Variants in RMC1 observed in about 807,000 individuals in gnomAD.
RMC1 encodes the protein regulator of MON1-CCZ1, also known as regulator of MON1-CCZ1 complex.
RMC1 carries 44 observed loss-of-function variants against 95.5 expected under a neutral mutation model. That is an observed-to-expected ratio of 0.46 (90% confidence interval 0.36 to 0.59). The LOEUF (loss-of-function observed/expected upper bound fraction) is 0.59, where lower values mean the gene tolerates loss of function less well. Ranked by LOEUF, RMC1 falls within the 20% of genes least tolerant of loss-of-function variation. The pLI, the probability that RMC1 is intolerant of heterozygous loss-of-function variation, is 0.00. For missense variants in RMC1, 705 were observed against 819.6 expected, an observed-to-expected ratio of 0.86 and a Z score of 1.71; for synonymous variants, 320 against 303.6, an observed-to-expected ratio of 1.05 and a Z score of -0.56.
At chr18:23,527,186 C>T (rs2058323376) in intron 13 of RMC1, among the ~76,000 whole-genome samples, 1 of 140,362 alleles carries the variant, frequency 7.1e-6, no homozygotes, top group South Asian at 2.2e-4. Flanking sequence ...GAGTTCGAGA[C>T]CAGCCTGGAC....
intron 15 of RMC1, 88 bp downstream of exon 15, chr18:23,529,386 T>G: frequency 6.7e-7 from 1 of 1,501,550 alleles, no homozygotes; most frequent in Non-Finnish European, 8.8e-7. Flanking sequence ...GTGATTAGAG[T>G]CACTTGAAGT....
chr18:23,521,489 T>G (rs932197607), intron 10 of RMC1, among the ~76,000 whole-genome samples: 1 of 152,206 alleles, frequency 6.6e-6, no homozygotes, highest in African/African-American at 2.4e-5. Context: ...GGACTGACAG[T>G]CACAGTAAGT....
intron 10 of RMC1, among the ~76,000 whole-genome samples, chr18:23,521,695 CT>C (rs371988848): frequency 5.3e-4 from 41 of 77,900 alleles, no homozygotes; most frequent in Non-Finnish European, 5.6e-4. Flanking sequence ...CACTCTCTCT[CT>C]TTTTTTTTTT....
chr18:23,528,440 G>C (rs1349981360), intron 14 of RMC1: 1 of 153,582 alleles, frequency 6.5e-6, no homozygotes, highest in Non-Finnish European at 1.4e-5. Context: ...TCTGAAGCCA[G>C]AAGAAAAGTT....
chr18:23,524,009 G>T, intron 10 of RMC1, 121 bp from the exon 11 acceptor site: 1 of 1,116,270 alleles, frequency 9.0e-7, no homozygotes, highest in Non-Finnish European at 1.3e-6. Flanking sequence ...TTTCTTCCTT[G>T]ACTACAATTG....
intron 13 of RMC1, 143 bp from the exon 14 acceptor site, chr18:23,527,652 C>T: frequency 1.0e-5 from 2 of 199,770 alleles, no homozygotes; most frequent in South Asian, 8.9e-5. Context: ...ATCTAGCTGT[C>T]AGGTCTTTAA....
chr18:23,520,222 C>G lies in RMC1; in HGVS notation c.870C>G (p.Ile290Met). 1 of 1,614,036 alleles carries G rather than the reference C, an allele frequency of 6.2e-7. No individual in the cohort carries two copies. The highest frequency in any genetic ancestry group is 8.5e-7 in the Non-Finnish European group (1 of 1,179,960). The change falls in exon 10 of 20, where the codon ATC (isoleucine) becomes ATG (methionine). Residue 290 changes from isoleucine to methionine, a missense_variant. Transcript: ENST00000269221. ...CCCAGACATCGGTAATATTCGATATCAAGTTACGGGGAGAGTTTGACGGCT... is the reference window on the plus strand; with the variant it reads ...CCCAGACATCGGTAATATTCGATATGAAGTTACGGGGAGAGTTTGACGGCT... ...QDTETSVIFDIKLRGEFDGSV... is the reference protein window; with the variant it reads ...QDTETSVIFDMKLRGEFDGSV...
chr18:23,504,654 TTGGGAGCCAAATAC>T, intron 2 of RMC1: 1 of 468,208 alleles, frequency 2.1e-6, no homozygotes, highest in East Asian at 3.4e-5. Context: ...AGCAGTTGAT[TTGGGAGCCAAATAC>T]TTCAAAAGTG....
rs1175800665 is a variant in RMC1, at chr18:23,530,588, C to T, written c.1870C>T (p.Arg624Ter). Residue 624 changes from arginine (R) to a stop codon, truncating the protein, a stop_gained, in exon 19 of 20, where the codon CGA (arginine) becomes TGA (stop). Transcript: ENST00000269221. LOFTEE classifies it high-confidence loss of function. ...RFFEQRNQRL[R>*]GSPNFTPGEH... ...TTTTGAACAGCGAAACCAGCGTTTGCGAGGGAGCCCCAATTTCACACCAGG... is the reference window on the plus strand; with the variant it reads ...TTTTGAACAGCGAAACCAGCGTTTGTGAGGGAGCCCCAATTTCACACCAGG... 5 of 1,613,786 alleles carry T rather than the reference C, an allele frequency of 3.1e-6. No homozygotes were observed. The highest frequency in any genetic ancestry group is 4.2e-6 in the Non-Finnish European group (5 of 1,179,770).
intron 19 of RMC1, 67 bp from the exon 20 acceptor site, chr18:23,531,558 C>T (rs777940246): frequency 5.4e-5 from 85 of 1,584,632 alleles, no homozygotes; most frequent in South Asian, 1.2e-4. Flanking sequence ...GACACACCTA[C>T]GAGATGCTTT....
chr18:23,503,502 G>C (rs370797849), upstream of RMC1: 1 of 557,658 alleles, frequency 1.8e-6, no homozygotes. Context: ...CGGCGTCCGC[G>C]CCGGGCCCAG....
intron 4 of RMC1, 38 bp from the exon 5 acceptor site, chr18:23,509,152 TTTC>T (rs772239130): frequency 5.5e-5 from 44 of 803,896 alleles, no homozygotes; most frequent in Non-Finnish European, 3.5e-6. Flanking sequence ...ATATGTGTTT[TTTC>T]TTATTAATTA....
intron 6 of RMC1, 53 bp downstream of exon 6, chr18:23,516,049 C>T: frequency 1.2e-6 from 2 of 1,610,686 alleles, no homozygotes; most frequent in Non-Finnish European, 1.7e-6. Context: ...GTCCCCTGTT[C>T]CTGTAGCATC....
At chr18:23,521,371 C>T (rs907270466) in intron 10 of RMC1, among the ~76,000 whole-genome samples, 1 of 152,198 alleles carries the variant, frequency 6.6e-6, no homozygotes, top group East Asian at 1.9e-4. Context: ...TGCCTTAGCT[C>T]TGTAACGCTG....
At position 23,519,120 on chromosome 18, in the gene RMC1, G is replaced by A. The variant is rs151253134; in HGVS notation, c.795G>A (p.Lys265=). ...TATTGAAGTTAAATAGGACGGGAAA[G>A]TTTGCCCTGAACGTGGTGGACAACC... The part of the protein sequence containing the change: ...MHILKLNRTG[K]FALNVVDNLV... The change falls in exon 9 of 20, where the codon AAG becomes AAA. Residue 265 remains lysine, a synonymous_variant. Coordinates refer to ENST00000269221, the MANE Select transcript of RMC1 (RefSeq NM_013326.5). The A allele has an allele frequency of 6.5e-5, 105 of 1,614,216 alleles. 2 individuals are homozygous for A. In the Middle Eastern group the frequency reaches 1.8e-3, roughly 28 times the overall value.
chr18:23,506,281 A>G (rs2057715060), intron 2 of RMC1: 1 of 152,212 alleles, frequency 6.6e-6, no homozygotes, highest in African/African-American at 2.4e-5. Flanking sequence ...GTATACACCC[A>G]TGAAACCATC....
At chr18:23,506,612 C>T in intron 2 of RMC1, 1 of 241,974 alleles carries the variant, frequency 4.1e-6, no homozygotes, top group Non-Finnish European at 8.1e-6. Context: ...CTGTGAGATG[C>T]ACAAGTAGAT....
At chr18:23,519,234 G>C in intron 9 of RMC1, 60 bp downstream of exon 9, 1 of 1,484,120 alleles carries the variant, frequency 6.7e-7, no homozygotes, top group Non-Finnish European at 9.4e-7. Flanking sequence ...GTGAAAATTG[G>C]TGGCTGGGCA....
intron 5 of RMC1, among the ~76,000 whole-genome samples, chr18:23,513,642 C>A (rs1299650442): frequency 6.6e-6 from 1 of 152,248 alleles, no homozygotes; most frequent in Non-Finnish European, 1.5e-5. Context: ...AGCAGTTACA[C>A]CATTTTGCAA....
Sources: allele counts gnomAD v4.1 joint callset (sites outside exome capture counted in the v4.1 genomes callset), GRCh38; gene constraint gnomAD v4.1.1; transcripts MANE v1.5; gene names NCBI Gene and HGNC (gene_info 2026-07-23, HGNC 2026-07-21).